PES1: variants seen among roughly 807,000 people sequenced by gnomAD.
PES1 encodes pescadillo ribosomal biogenesis factor 1, also known as pescadillo homolog.
PES1 carries 31 observed loss-of-function variants against 77.1 expected under a neutral mutation model. That is an observed-to-expected ratio of 0.40 (90% CI 0.30 to 0.54). The LOEUF is 0.54. Among genes scored for constraint, PES1 ranks in the 20% least tolerant of loss-of-function variants. The pLI is 0.45. For missense variants in PES1, 658 were observed against 771.7 expected, an observed-to-expected ratio of 0.85 and a Z score of 1.75; for synonymous variants, 282 against 303.0, an observed-to-expected ratio of 0.93 and a Z score of 0.72.
intron 2 of PES1, chr22:30,598,279 C>G (rs1388671785): frequency 1.3e-5 from 2 of 151,718 alleles, no homozygotes; most frequent in Non-Finnish European, 2.9e-5. Context: ...CGAAAACATC[C>G]GAGCATCAGA....
intron 2 of PES1, among the ~76,000 whole-genome samples, chr22:30,602,475 G>A (rs1159674430): frequency 7.0e-6 from 1 of 142,898 alleles, no homozygotes; most frequent in Non-Finnish European, 1.5e-5. Flanking sequence ...ACCCGCCTTG[G>A]CCTCCCAACG....
chr22:30,584,491 G>T (rs2087040071), intron 5 of PES1, 37 bp from the exon 6 acceptor site: 6 of 1,609,334 alleles, frequency 3.7e-6, no homozygotes, highest in Non-Finnish European at 5.1e-6. Context: ...TGAAGACCAT[G>T]GGGTGGCAGG....
At chr22:30,580,288 G>A in intron 10 of PES1, 110 bp from the exon 11 acceptor site, 3 of 1,375,068 alleles carry the variant, frequency 2.2e-6, no homozygotes, top group Non-Finnish European at 3.0e-6. Context: ...ACCCTCTTAG[G>A]ACACAATTAC....
chr22:30,591,229 A>G (rs904178382), intron 1 of PES1, among the ~76,000 whole-genome samples: 1 of 152,096 alleles, frequency 6.6e-6, no homozygotes, highest in Non-Finnish European at 1.5e-5. Flanking sequence ...TCCAACCCCA[A>G]TCTTATCAGA....
At chr22:30,579,324 C>T (rs748003372) in intron 12 of PES1, 21 bp from the exon 13 acceptor site, 1 of 1,599,788 alleles carries the variant, frequency 6.3e-7, no homozygotes, top group Non-Finnish European at 8.5e-7. Flanking sequence ...CCAATGTCCT[C>T]TGAATGCCCT....
At chr22:30,585,019 A>G (rs569439153) in intron 4 of PES1, among the ~76,000 whole-genome samples, 2 of 152,316 alleles carry the variant, frequency 1.3e-5, no homozygotes, top group East Asian at 3.9e-4. Flanking sequence ...GCACGACGGT[A>G]GACGGAGTCA....
upstream of PES1, among the ~76,000 whole-genome samples, chr22:30,595,952 A>G (rs2087246737): frequency 1.3e-5 from 2 of 152,202 alleles, no homozygotes; most frequent in Admixed American, 1.3e-4. Context: ...TCTCTAGCCA[A>G]CCACCTTCAG....
chr22:30,596,969 GC>G (rs1161317974), intron 2 of PES1, among the ~76,000 whole-genome samples: 4 of 152,224 alleles, frequency 2.6e-5, no homozygotes, highest in African/African-American at 9.6e-5. Flanking sequence ...CAGCCGGCCG[GC>G]CCCGCTGGCC....
chr22:30,596,093 T>C (rs1336471692), upstream of PES1, among the ~76,000 whole-genome samples: 1 of 152,172 alleles, frequency 6.6e-6, no homozygotes, highest in Non-Finnish European at 1.5e-5. Context: ...GCAAATTACA[T>C]CAAGGAAAAT....
chr22:30,591,153 C>T (rs1303813978), intron 1 of PES1, among the ~76,000 whole-genome samples: 1 of 152,174 alleles, frequency 6.6e-6, no homozygotes, highest in East Asian at 1.9e-4. Context: ...AATCCAAGCT[C>T]TACACTATTC....
Position 30,577,015 on chromosome 22 carries a change from T to G in PES1, c.*31A>C, listed in dbSNP as rs2086909662. ...TCTGCCACATCCAGCTGCTAGGGGC[T>G]GGCCTCAGCCCTGTGAGGGGCCGCA... On this transcript the variant is annotated 3_prime_UTR_variant, in exon 15 of 15. Coordinates refer to ENST00000354694, the MANE Select transcript of PES1 (RefSeq NM_014303.4). The G allele has an allele frequency of 3.8e-6, 6 of 1,582,612 alleles. No individual in the cohort carries two copies. Among genetic ancestry groups the G allele is most frequent in the Non-Finnish European group, 5.2e-6 (6 of 1,152,280 alleles).
intron 4 of PES1, 27 bp from the exon 5 acceptor site, chr22:30,584,744 G>A (rs764586741): frequency 3.6e-5 from 58 of 1,611,202 alleles, no homozygotes; most frequent in Admixed American, 1.2e-4. Flanking sequence ...GCAGCACATG[G>A]GGCCTGTTCA....
chr22:30,591,374 C>G (rs1309853745), intron 1 of PES1, among the ~76,000 whole-genome samples: 1 of 152,204 alleles, frequency 6.6e-6, no homozygotes, highest in African/African-American at 2.4e-5. Context: ...CACTCCCATG[C>G]CCCAGAACCC....
At position 30,584,692 on chromosome 22, in the gene PES1, G is replaced by A. The variant is rs141115125; in HGVS notation, c.394C>T (p.Arg132Trp). The part of the protein sequence containing the change: ...ERYPTFIDAL[R>W]DLDDALSMCF... ...ATGGAGAGGGCATCGTCCAGGTCCC[G>A]CAGGGCATCGATGAACGTGGGATAC... is the stretch of plus-strand genomic sequence containing the variant. The change falls in exon 5 of 15, where the codon CGG becomes TGG. Residue 132 changes from arginine (R) to tryptophan (W), a missense_variant. By Grantham distance (101) the Arg-to-Trp change is moderately radical. Transcript: ENST00000354694. 6.1e-5 allele frequency: 99 copies of A among 1,613,770 alleles called. No homozygotes were observed. The Middle Eastern group carries it at 9.9e-4, about 16-fold the overall frequency.
At chr22:30,596,024 T>G (rs1307066300), upstream of PES1, among the ~76,000 whole-genome samples, 1 of 152,188 alleles carries the variant, frequency 6.6e-6, no homozygotes, top group African/African-American at 2.4e-5. Flanking sequence ...CTAGCTTTTT[T>G]GGGACGCTAG....
intron 8 of PES1, 106 bp downstream of exon 8, chr22:30,581,228 C>A: frequency 7.2e-7 from 1 of 1,380,590 alleles, no homozygotes; most frequent in South Asian, 1.2e-5. Flanking sequence ...GCTGAGACCA[C>A]CCACCTAGCC....
At chr22:30,605,896 C>A (rs1436244586) in intron 1 of PES1, among the ~76,000 whole-genome samples, 1 of 152,194 alleles carries the variant, frequency 6.6e-6, no homozygotes, top group Admixed American at 6.5e-5. Context: ...AAAATAATTG[C>A]AATGCAGATT....
intron 9 of PES1, 34 bp from the exon 10 acceptor site, chr22:30,580,735 G>A (rs200292450): frequency 7.5e-5 from 121 of 1,610,816 alleles, no homozygotes; most frequent in Middle Eastern, 3.3e-4. Context: ...CGCACCACCA[G>A]GGCTGCCCAC....
chr22:30,585,328 G>A (rs750284730), intron 4 of PES1: 163 of 471,370 alleles, frequency 3.5e-4, no homozygotes, highest in Non-Finnish European at 3.0e-4. Context: ...GGTAAATGAC[G>A]AAGCCAACAA....
Sources: gnomAD v4.1 joint callset for allele counts (sites outside exome capture counted in the v4.1 genomes callset) on GRCh38, gnomAD v4.1.1 for gene constraint, MANE v1.5 for transcripts, NCBI Gene and HGNC (gene_info 2026-07-23, HGNC 2026-07-21) for gene names.